Variants in SAMD8 observed in about 807,000 individuals in gnomAD.
SAMD8 encodes sphingomyelin synthase-related protein 1.
In SAMD8, 20 loss-of-function variants were observed where a neutral mutation model predicts 42.0. The ratio of observed to expected loss-of-function variants is 0.48; its 90% confidence interval spans 0.34 to 0.69. The LOEUF (loss-of-function observed/expected upper bound fraction) is 0.69, where lower values mean the gene tolerates loss of function less well. Among genes scored for constraint, SAMD8 ranks in the 30% least tolerant of loss-of-function variants. The pLI, the probability that SAMD8 is intolerant of heterozygous loss-of-function variation, is 0.01. For synonymous variants in SAMD8, 162 were observed against 173.0 expected (o/e 0.94, Z 0.50); for missense variants, 328 against 511.6 (o/e 0.64, Z 3.46).
upstream of SAMD8, chr10:75,108,203 C>T (rs374369575): frequency 6.9e-6 from 11 of 1,601,936 alleles, no homozygotes; most frequent in African/African-American, 4.0e-5. Context: ...GGTTGTTTGC[C>T]GTGGCCCTGG....
At chr10:75,157,081 ATG>A (rs1300650336) in intron 2 of SAMD8, among the ~76,000 whole-genome samples, 14 of 152,160 alleles carry the variant, frequency 9.2e-5, no homozygotes, top group African/African-American at 3.1e-4. Context: ...GTGTGTAGGT[ATG>A]TATAGAAAGA....
intron 1 of SAMD8, among the ~76,000 whole-genome samples, chr10:75,133,941 G>A (rs944101987): frequency 6.6e-6 from 1 of 152,140 alleles, no homozygotes; most frequent in Admixed American, 6.6e-5. Context: ...TGGTGTATAT[G>A]TACCACATTT....
chr10:75,158,579 G>A (rs541733549), intron 2 of SAMD8, among the ~76,000 whole-genome samples: 16 of 152,008 alleles, frequency 1.1e-4, no homozygotes, highest in African/African-American at 3.4e-4. Flanking sequence ...GTGACAGAGC[G>A]AGACTCTCTC....
chr10:75,141,081 C>A (rs535814845), intron 1 of SAMD8, among the ~76,000 whole-genome samples: 1 of 152,234 alleles, frequency 6.6e-6, no homozygotes, highest in East Asian at 1.9e-4. Context: ...TGATAGCTCA[C>A]GCCTGTAATC....
chr10:75,108,949 C>T (rs1411438910), upstream of SAMD8: 40 of 1,536,250 alleles, frequency 2.6e-5, no homozygotes, highest in Non-Finnish European at 3.2e-5. Context: ...TCTGGTAAAG[C>T]GACCAAGAAC....
At chr10:75,113,117 A>G (rs1009341151) in intron 1 of SAMD8, among the ~76,000 whole-genome samples, 4 of 152,238 alleles carry the variant, frequency 2.6e-5, no homozygotes, top group African/African-American at 9.6e-5. Context: ...TTGGCAGCCA[A>G]CACAACTGGG....
At chr10:75,108,997 G>A (rs1195782115), upstream of SAMD8, 2 of 1,592,014 alleles carry the variant, frequency 1.3e-6, no homozygotes. Flanking sequence ...CCCTTGGCCA[G>A]CTACCACTCA....
At chr10:75,149,529 T>A (rs552388348) in intron 1 of SAMD8, among the ~76,000 whole-genome samples, 17 of 152,320 alleles carry the variant, frequency 1.1e-4, no homozygotes, top group African/African-American at 3.6e-4. Flanking sequence ...TTATTGAGAT[T>A]CAAATATATG....
chr10:75,101,861 A>T, intron 1 of SAMD8: 2 of 1,364,350 alleles, frequency 1.5e-6, no homozygotes, highest in Non-Finnish European at 9.8e-7. Context: ...AGGAGCACTC[A>T]CCCACCTGTG....
chr10:75,159,076 T>TTTTTTTTTG (rs1589968194), intron 2 of SAMD8, among the ~76,000 whole-genome samples: 1 of 150,748 alleles, frequency 6.6e-6, no homozygotes, highest in Non-Finnish European at 1.5e-5. Flanking sequence ...TTTTTTTTTT[T>TTTTTTTTTG]GAGACAGAGT....
chr10:75,153,765 GT>G (rs371097075), intron 2 of SAMD8, among the ~76,000 whole-genome samples: 41 of 147,062 alleles, frequency 2.8e-4, no homozygotes, highest in East Asian at 1.6e-3. Context: ...TAGTAAAGAG[GT>G]TTTTTTTTTT....
intron 1 of SAMD8, among the ~76,000 whole-genome samples, chr10:75,139,467 ATTATTGTATAGTCAT>A (rs1303465474): frequency 1.3e-5 from 2 of 152,254 alleles, no homozygotes; most frequent in Non-Finnish European, 2.9e-5. Context: ...AGATGGATAA[ATTATTGTATAGTCAT>A]ACAATGGAAT....
At chr10:75,145,076 G>T (rs188636366) in intron 1 of SAMD8, among the ~76,000 whole-genome samples, 104 of 152,238 alleles carry the variant, frequency 6.8e-4, no homozygotes, top group African/African-American at 2.5e-3. Context: ...ACTTGGAGTT[G>T]CGTTAGTCTT....
chr10:75,164,815 CTT>C, intron 3 of SAMD8, 75 bp downstream of exon 3: 1 of 1,080,320 alleles, frequency 9.3e-7, no homozygotes, highest in Non-Finnish European at 1.4e-6. Flanking sequence ...TAACCTTTCT[CTT>C]TGCAGTTTCC....
intron 1 of SAMD8, among the ~76,000 whole-genome samples, chr10:75,104,485 A>G (rs961323775): frequency 6.6e-6 from 1 of 152,126 alleles, no homozygotes; most frequent in African/African-American, 2.4e-5. Context: ...GATGGGAAAG[A>G]TGCTGAGGTC....
At chr10:75,111,632 C>G, upstream of SAMD8, 1 of 1,246,914 alleles carries the variant, frequency 8.0e-7, no homozygotes, top group Non-Finnish European at 1.0e-6. Context: ...AGGCGCTTCA[C>G]TCCGGCGAGG....
chr10:75,128,928 C>T (rs113667888), intron 1 of SAMD8, among the ~76,000 whole-genome samples: 7 of 152,040 alleles, frequency 4.6e-5, no homozygotes, highest in East Asian at 3.9e-4. Flanking sequence ...CACATACTGA[C>T]GAAAATGTAT....
intron 2 of SAMD8, among the ~76,000 whole-genome samples, chr10:75,162,871 A>G (rs923862320): frequency 6.6e-6 from 1 of 152,108 alleles, no homozygotes; most frequent in Non-Finnish European, 1.5e-5. Flanking sequence ...AAAAAGAAGA[A>G]TTTATTAGCT....
intron 2 of SAMD8, among the ~76,000 whole-genome samples, chr10:75,154,301 T>C (rs116394837): frequency 1.0e-3 from 159 of 152,348 alleles, no homozygotes; most frequent in African/African-American, 3.7e-3. Flanking sequence ...GAAAGCTGTT[T>C]AAGAAGTTGT....
Sources: allele counts gnomAD v4.1 joint callset (sites outside exome capture counted in the v4.1 genomes callset), GRCh38; gene constraint gnomAD v4.1.1; transcripts MANE v1.5; gene names NCBI Gene and HGNC (gene_info 2026-07-23, HGNC 2026-07-21).